The following CTNNA3 variants were observed in gnomAD, a reference collection of about 807,000 sequenced individuals.
CTNNA3 encodes catenin alpha 3, also known as catenin alpha-3.
A neutral mutation model predicts 95.7 loss-of-function variants in CTNNA3; 76 were observed. The observed-to-expected ratio is 0.79, with a 90% CI of 0.66 to 0.96. The LOEUF is 0.96. Among genes scored for constraint, CTNNA3 ranks in the 40% least tolerant of loss-of-function variants. The pLI is 0.00. For missense variants in CTNNA3, 1,191 were observed against 1,089.8 expected (o/e 1.09, Z -1.31); for synonymous variants, 431 against 374.4 (o/e 1.15, Z -1.74).
chr10:66,319,671 T>C (rs997200906), intron 12 of CTNNA3, among the ~76,000 whole-genome samples: 1 of 152,116 alleles, frequency 6.6e-6, no homozygotes, highest in African/African-American at 2.4e-5. Flanking sequence ...TATAAATTTC[T>C]TGTCATTAGA....
chr10:67,387,038 G>T (rs77002548), intron 5 of CTNNA3, among the ~76,000 whole-genome samples: 1,903 of 152,200 alleles, frequency 0.013, 41 homozygotes, highest in African/African-American at 0.042. Flanking sequence ...CAAGAAGCCC[G>T]TTAGTTGAGG....
chr10:67,405,454 AT>A (rs2132820360), intron 5 of CTNNA3, among the ~76,000 whole-genome samples: 1 of 152,338 alleles, frequency 6.6e-6, no homozygotes, highest in South Asian at 2.1e-4. Flanking sequence ...AAAGAAGAGT[AT>A]TACATAATGA....
intron 10 of CTNNA3, among the ~76,000 whole-genome samples, chr10:66,619,559 T>G (rs1844664870): frequency 2.8e-5 from 2 of 71,378 alleles, no homozygotes; most frequent in African/African-American, 4.9e-5. Flanking sequence ...CTGGGGACTG[T>G]TGTAGGGTGG....
At chr10:66,702,466 G>A (rs896659460) in intron 9 of CTNNA3, among the ~76,000 whole-genome samples, 4 of 151,908 alleles carry the variant, frequency 2.6e-5, no homozygotes, top group Non-Finnish European at 2.9e-5. Context: ...GGGATTACAG[G>A]CATGAGCATG....
intron 11 of CTNNA3, among the ~76,000 whole-genome samples, chr10:66,515,077 C>T (rs1467597149): frequency 6.6e-6 from 1 of 151,982 alleles, no homozygotes; most frequent in Non-Finnish European, 1.5e-5. Context: ...AAATATTTTA[C>T]CACATGTGAT....
intron 11 of CTNNA3, among the ~76,000 whole-genome samples, chr10:66,427,170 T>A (rs1197734704): frequency 2.0e-5 from 3 of 151,954 alleles, no homozygotes; most frequent in Non-Finnish European, 4.4e-5. Context: ...TGCTCCAATA[T>A]CCCTCCATAA....
chr10:67,184,416 T>A (rs995176654), intron 6 of CTNNA3, among the ~76,000 whole-genome samples: 1 of 152,160 alleles, frequency 6.6e-6, no homozygotes, highest in Non-Finnish European at 1.5e-5. Flanking sequence ...GTTTAAAAAA[T>A]TTCTATTGAA....
intron 7 of CTNNA3, among the ~76,000 whole-genome samples, chr10:67,115,170 T>A (rs1021061192): frequency 1.3e-5 from 2 of 152,070 alleles, no homozygotes; most frequent in African/African-American, 4.8e-5. Context: ...CTATGCCTCA[T>A]GCAAAAGCCT....
chr10:66,460,449 A>C (rs1271230115), intron 11 of CTNNA3, among the ~76,000 whole-genome samples: 1 of 152,188 alleles, frequency 6.6e-6, no homozygotes. Flanking sequence ...GGTGGACTGC[A>C]CTTGAGTTAT....
intron 10 of CTNNA3, among the ~76,000 whole-genome samples, chr10:66,614,575 A>C (rs543076491): frequency 6.6e-6 from 1 of 152,094 alleles, no homozygotes; most frequent in South Asian, 2.1e-4. Context: ...CACACTCAAT[A>C]TATATCTCTT....
intron 7 of CTNNA3, among the ~76,000 whole-genome samples, chr10:66,890,014 C>G (rs1427464673): frequency 6.6e-6 from 1 of 152,140 alleles, no homozygotes; most frequent in Non-Finnish European, 1.5e-5. Flanking sequence ...TGGTCTTGAA[C>G]TCCTGACCTC....
At chr10:67,352,431 A>G (rs1483902655) in intron 5 of CTNNA3, among the ~76,000 whole-genome samples, 1 of 152,004 alleles carries the variant, frequency 6.6e-6, no homozygotes, top group Non-Finnish European at 1.5e-5. Context: ...CCACAGGACA[A>G]AGGAATAATA....
At chr10:67,316,629 GC>G (rs1221741054) in intron 5 of CTNNA3, among the ~76,000 whole-genome samples, 1 of 152,110 alleles carries the variant, frequency 6.6e-6, no homozygotes, top group Non-Finnish European at 1.5e-5. Context: ...CCATGACAGA[GC>G]CATTCATTGC....
At chr10:67,727,066 A>C (rs1269432116) in intron 1 of CTNNA3, among the ~76,000 whole-genome samples, 7 of 113,298 alleles carry the variant, frequency 6.2e-5, no homozygotes, top group African/African-American at 1.2e-4. Context: ...AATTATATAT[A>C]ATATATGATA....
chr10:66,823,921 A>G (rs1209025445), intron 7 of CTNNA3, among the ~76,000 whole-genome samples: 2 of 152,270 alleles, frequency 1.3e-5, no homozygotes, highest in East Asian at 3.9e-4. Context: ...TATTCCCTCC[A>G]AGGGTCTTAA....
intron 15 of CTNNA3, among the ~76,000 whole-genome samples, chr10:66,065,293 T>G (rs985659790): frequency 6.6e-6 from 1 of 151,996 alleles, no homozygotes. Context: ...CATTTTTGGC[T>G]ATAGCTTTTT....
intron 1 of CTNNA3, among the ~76,000 whole-genome samples, chr10:67,727,398 AAT>A (rs1292148201): frequency 1.5e-5 from 2 of 133,760 alleles, no homozygotes; most frequent in African/African-American, 2.7e-5. Flanking sequence ...ATAATTATAT[AAT>A]ATGATACGTA....
intron 5 of CTNNA3, among the ~76,000 whole-genome samples, chr10:67,420,414 G>A (rs1160252866): frequency 1.3e-5 from 2 of 152,090 alleles, no homozygotes; most frequent in Non-Finnish European, 2.9e-5. Context: ...TATGATCCTG[G>A]ACTCACAAGA....
chr10:66,784,413 A>G (rs1156351496), intron 7 of CTNNA3, among the ~76,000 whole-genome samples: 1 of 152,142 alleles, frequency 6.6e-6, no homozygotes, highest in Non-Finnish European at 1.5e-5. Flanking sequence ...TGATTTGTGC[A>G]GACATCTTAA....
Sources: allele counts gnomAD v4.1 joint callset (sites outside exome capture counted in the v4.1 genomes callset), GRCh38; gene constraint gnomAD v4.1.1; transcripts MANE v1.5; gene names NCBI Gene and HGNC (gene_info 2026-07-23, HGNC 2026-07-21).